The following MTMR3 variants were observed in gnomAD, a reference collection of about 807,000 sequenced individuals.
MTMR3 encodes the protein phosphatidylinositol-3,5-bisphosphate 3-phosphatase MTMR3.
MTMR3 carries 32 observed loss-of-function variants against 132.4 expected under a neutral mutation model. The ratio of observed to expected loss-of-function variants is 0.24; its 90% CI spans 0.18 to 0.32. The LOEUF (loss-of-function observed/expected upper bound fraction) is 0.32. Ranked by LOEUF, MTMR3 falls within the 10% of genes least tolerant of loss-of-function variation. The pLI, the probability that MTMR3 is intolerant of heterozygous loss-of-function variation, is 1.00. For synonymous variants in MTMR3, 556 were observed against 550.3 expected, an observed-to-expected ratio of 1.01 and a Z score of -0.14; for missense variants, 1,216 against 1,489.6, an observed-to-expected ratio of 0.82 and a Z score of 3.02.
rs1387693440 is a variant in MTMR3, at chr22:29,941,186, T to C, written c.-137-15850T>C. On this transcript the variant is annotated intron_variant, in intron 1 of 19. Coordinates refer to ENST00000401950, the MANE Select transcript of MTMR3 (RefSeq NM_021090.4). Reference sequence around the variant, plus strand: ...CAATATTCTTTTCTAACTTGTTGCTTTGAGTCAACATCATGCTTTTGAGAC... The same window carrying C: ...CAATATTCTTTTCTAACTTGTTGCTCTGAGTCAACATCATGCTTTTGAGAC... Among the ~76,000 whole-genome samples, 3 of 140,032 alleles carry C rather than the reference T, an allele frequency of 2.1e-5. No individual in the cohort carries two copies. The East Asian group carries it at 5.8e-4, about 27-fold the overall frequency. The allele number at this position is 140,032 out of a possible 152,430, so 91.9% of individuals were successfully genotyped here.
intron 1 of MTMR3, among the ~76,000 whole-genome samples, chr22:29,923,065 G>A (rs1320187196): frequency 4.3e-5 from 6 of 140,804 alleles, no homozygotes; most frequent in African/African-American, 7.9e-5. Context: ...TTTTTGAGAC[G>A]GAGTCTTGCT....
At chr22:29,989,778 C>G (rs971663365) in intron 6 of MTMR3, 1 of 152,118 alleles carries the variant, frequency 6.6e-6, no homozygotes, top group Non-Finnish European at 1.5e-5. Context: ...TTATTCCAGT[C>G]GAGATGTCAC....
intron 5 of MTMR3, chr22:29,987,301 A>G (rs1405422176): frequency 1.3e-5 from 2 of 152,212 alleles, no homozygotes; most frequent in Non-Finnish European, 2.9e-5. Context: ...GTGGTGGGGC[A>G]GAGTTTGCAG....
At chr22:29,993,445 C>G (rs2067002833) in intron 7 of MTMR3, 1 of 152,082 alleles carries the variant, frequency 6.6e-6, no homozygotes, top group Non-Finnish European at 1.5e-5. Context: ...TTTCTACCAT[C>G]TCCTAGGATA....
chr22:29,941,526 G>A (rs1237313929), intron 1 of MTMR3, among the ~76,000 whole-genome samples: 2 of 151,768 alleles, frequency 1.3e-5, no homozygotes, highest in Non-Finnish European at 2.9e-5. Flanking sequence ...TTTACGAGCC[G>A]TGTATGAATT....
chr22:29,960,739 T>C lies in MTMR3; in HGVS notation c.-85+3651T>C, dbSNP rs144816389. The stretch of plus-strand genomic sequence containing the variant: ...GGCTCAGAGAGGTAGTATGATTTGC[T>C]CTCAAGGTCATAGAGTTAGTATATG... On this transcript the variant is annotated intron_variant, in intron 2 of 19. Transcript: ENST00000401950. 4.4e-4 allele frequency among the ~76,000 whole-genome samples: 67 copies of C among 152,330 alleles called. No homozygotes were observed. In the East Asian group the frequency reaches 0.012, roughly 26 times the overall value.
At chr22:29,975,795 G>T (rs1170145618) in intron 3 of MTMR3, among the ~76,000 whole-genome samples, 1 of 152,116 alleles carries the variant, frequency 6.6e-6, no homozygotes, top group South Asian at 2.1e-4. Flanking sequence ...TTGTAGAGAT[G>T]GTGTCTCACC....
intron 11 of MTMR3, 200 bp downstream of exon 11, chr22:30,008,232 A>G (rs2067317919): frequency 1.7e-6 from 1 of 600,032 alleles, no homozygotes; most frequent in Admixed American, 3.4e-5. Flanking sequence ...AGGTGCAGTG[A>G]AGTCACATAA....
intron 1 of MTMR3, among the ~76,000 whole-genome samples, chr22:29,898,872 G>A (rs1467834831): frequency 6.7e-6 from 1 of 149,292 alleles, no homozygotes; most frequent in African/African-American, 2.5e-5. Flanking sequence ...TGGCTGCAGC[G>A]AACCTTTGGG....
chr22:30,024,902 G>GTGCATTCT (rs2067871741), intron 19 of MTMR3: 1 of 152,926 alleles, frequency 6.5e-6, no homozygotes, highest in South Asian at 2.1e-4. Flanking sequence ...TGGGGCCTGA[G>GTGCATTCT]TGCATTCTGG....
chr22:29,927,088 CTG>C (rs2065532135), intron 1 of MTMR3, among the ~76,000 whole-genome samples: 1 of 152,140 alleles, frequency 6.6e-6, no homozygotes. Flanking sequence ...TTGTTGAAAA[CTG>C]TTCTTTCCTC....
chr22:29,949,507 C>A (rs1487824797), intron 1 of MTMR3, among the ~76,000 whole-genome samples: 2 of 146,832 alleles, frequency 1.4e-5, no homozygotes, highest in Non-Finnish European at 3.0e-5. Flanking sequence ...CGCGCCCCCC[C>A]CCAAAAAAAA....
chr22:29,962,728 T>C (rs2066335962), intron 2 of MTMR3, among the ~76,000 whole-genome samples: 1 of 152,106 alleles, frequency 6.6e-6, no homozygotes, highest in South Asian at 2.1e-4. Context: ...ACCGTCGGTC[T>C]TTCCCAGCTC....
At chr22:29,914,404 A>T (rs990511164) in intron 1 of MTMR3, among the ~76,000 whole-genome samples, 1 of 152,144 alleles carries the variant, frequency 6.6e-6, no homozygotes, top group African/African-American at 2.4e-5. Flanking sequence ...GTCTTTGGTG[A>T]AGTGTCTGTT....
At chr22:30,017,055 T>G (rs1043936922) in intron 15 of MTMR3, 5 of 190,672 alleles carry the variant, frequency 2.6e-5, no homozygotes, top group Non-Finnish European at 1.1e-5. Context: ...CAGAATGAGC[T>G]GCCACCAGGC....
At chr22:29,947,314 A>C (rs2065972033) in intron 1 of MTMR3, among the ~76,000 whole-genome samples, 1 of 152,140 alleles carries the variant, frequency 6.6e-6, no homozygotes, top group South Asian at 2.1e-4. Flanking sequence ...TGGCAACTTG[A>C]GAATTCCAAT....
chr22:30,028,874 C>G lies in MTMR3; in HGVS notation c.*3073C>G, dbSNP rs41173. The G allele has an allele frequency of 0.7, 107,073 of 152,370 alleles. 38,628 individuals are homozygous for G. Among genetic ancestry groups the G allele is most frequent in the South Asian group, 0.87 (4,177 of 4,826 alleles). The allele number at this position is 152,370 out of a possible 1,614,324, so 9.4% of individuals were successfully genotyped here. On this transcript the variant is annotated 3_prime_UTR_variant, in exon 20 of 20. Transcript: ENST00000401950. The stretch of plus-strand genomic sequence containing the variant: ...TCTCAGCTACCCTCAGTCCGCCAGG[C>G]AGCCCAGTCTGTGTATTCATATGAA...
At chr22:29,902,805 T>C (rs2065025917) in intron 1 of MTMR3, among the ~76,000 whole-genome samples, 1 of 152,220 alleles carries the variant, frequency 6.6e-6, no homozygotes, top group South Asian at 2.1e-4. Flanking sequence ...TTCATGTGAA[T>C]AAGACATAAA....
chr22:29,966,830 T>C (rs907447705), intron 2 of MTMR3, among the ~76,000 whole-genome samples: 1 of 151,112 alleles, frequency 6.6e-6, no homozygotes, highest in Non-Finnish European at 1.5e-5. Flanking sequence ...TATTTAAACA[T>C]CCTGAAACCC....
Sources: allele counts gnomAD v4.1 joint callset (sites outside exome capture counted in the v4.1 genomes callset), GRCh38; gene constraint gnomAD v4.1.1; transcripts MANE v1.5; gene names NCBI Gene and HGNC (gene_info 2026-07-23, HGNC 2026-07-21).